The following POU6F2 variants were observed in gnomAD, a reference collection of about 807,000 sequenced individuals.
The protein encoded by POU6F2 is POU class 6 homeobox 2.
Under a neutral mutation model 71.3 loss-of-function variants are expected in POU6F2, and 31 were observed. The ratio of observed to expected loss-of-function variants is 0.43; its 90% CI spans 0.33 to 0.59. The LOEUF is 0.59. POU6F2 is among the 20% of genes least tolerant of loss of function. POU6F2 has a pLI of 0.04. For synonymous variants in POU6F2, 347 were observed against 355.7 expected (o/e 0.98, Z 0.27); for missense variants, 783 against 856.8 (o/e 0.91, Z 1.07).
intron 2 of POU6F2, among the ~76,000 whole-genome samples, chr7:39,097,158 T>G (rs1018083741): frequency 6.6e-6 from 1 of 152,152 alleles, no homozygotes; most frequent in Non-Finnish European, 1.5e-5. Flanking sequence ...ATATATGCCC[T>G]TTTCCAGAGA....
At position 39,153,050 on chromosome 7, in the gene POU6F2, A is replaced by G. The variant is rs796815628; in HGVS notation, c.278-51185A>G. The stretch of plus-strand genomic sequence containing the variant: ...AAGTGAGGTCTCTTGGGAAAGAAAT[A>G]AGCACTGGCTTTTGGCAGGTTTATC... On this transcript the variant is annotated intron_variant, in intron 2 of 9. Transcript: ENST00000518318. 5.9e-5 allele frequency among the ~76,000 whole-genome samples: 9 copies of G among 152,304 alleles called. 1 individual carries two copies. Among genetic ancestry groups the G allele is most frequent in the African/African-American group, 1.9e-4 (8 of 41,554 alleles).
intron 4 of POU6F2, among the ~76,000 whole-genome samples, chr7:39,265,099 A>C (rs1246670637): frequency 1.3e-5 from 2 of 152,206 alleles, no homozygotes; most frequent in Admixed American, 1.3e-4. Context: ...TACCTCAGGC[A>C]GTTCTCACTT....
intron 4 of POU6F2, among the ~76,000 whole-genome samples, chr7:39,239,384 A>ACGT (rs1783668672): frequency 6.6e-6 from 1 of 152,150 alleles, no homozygotes; most frequent in Non-Finnish European, 1.5e-5. Context: ...TAGCAGCACG[A>ACGT]CTGACCTTAA....
At chr7:39,238,857 A>G (rs1794724556) in intron 4 of POU6F2, among the ~76,000 whole-genome samples, 1 of 152,330 alleles carries the variant, frequency 6.6e-6, no homozygotes, top group Middle Eastern at 3.4e-3. Flanking sequence ...GAGTACAGTA[A>G]TAAAAAGAAT....
chr7:39,331,829 G>A (rs912396228), intron 4 of POU6F2, among the ~76,000 whole-genome samples: 1 of 152,098 alleles, frequency 6.6e-6, no homozygotes, highest in Non-Finnish European at 1.5e-5. Flanking sequence ...GTTTTGAAAG[G>A]CATTTCCCTG....
At chr7:39,204,017 C>T (rs531945456) in intron 2 of POU6F2, among the ~76,000 whole-genome samples, 4 of 152,298 alleles carry the variant, frequency 2.6e-5, no homozygotes, top group African/African-American at 9.6e-5. Context: ...TCTATGCAAA[C>T]TGACTGTGCT....
chr7:39,186,619 T>C (rs2128742527), intron 2 of POU6F2, among the ~76,000 whole-genome samples: 1 of 152,328 alleles, frequency 6.6e-6, no homozygotes, highest in Middle Eastern at 3.4e-3. Context: ...GAAAATGATA[T>C]CTTCCGCACC....
intron 6 of POU6F2, among the ~76,000 whole-genome samples, chr7:39,423,448 A>C (rs976436333): frequency 6.6e-6 from 1 of 152,188 alleles, no homozygotes; most frequent in African/African-American, 2.4e-5. Context: ...TGCCAGGCAC[A>C]CAGGAGGCCC....
chr7:39,318,349 T>C (rs1385342053), intron 4 of POU6F2, among the ~76,000 whole-genome samples: 1 of 152,148 alleles, frequency 6.6e-6, no homozygotes, highest in Non-Finnish European at 1.5e-5. Flanking sequence ...AAAATCTGCA[T>C]AGGTGGGGCC....
Position 39,356,486 on chromosome 7 carries a change from C to A in POU6F2, c.972+16471C>A, listed in dbSNP as rs73386423. ...TCGTATATTGGGCACTTAGCATTTG[C>A]TCTTTAAGTCTTTTTCTTTTATTTT... On this transcript the variant is annotated intron_variant, in intron 5 of 9. Transcript: ENST00000518318. Among the ~76,000 whole-genome samples the A allele has an allele frequency of 9.7e-3, 1,480 of 152,294 alleles. 17 individuals are homozygous for A. Among genetic ancestry groups the A allele is most frequent in the African/African-American group, 0.032 (1,335 of 41,548 alleles).
At chr7:39,354,650 A>G (rs2115684464) in intron 5 of POU6F2, among the ~76,000 whole-genome samples, 1 of 152,276 alleles carries the variant, frequency 6.6e-6, no homozygotes, top group African/African-American at 2.4e-5. Context: ...CTTGAATCTC[A>G]CTGTAGTTAA....
At chr7:39,239,048 C>T (rs1794728205) in intron 4 of POU6F2, among the ~76,000 whole-genome samples, 1 of 152,086 alleles carries the variant, frequency 6.6e-6, no homozygotes, top group South Asian at 2.1e-4. Context: ...CATTACTTAG[C>T]ACAAGATGGT....
intron 6 of POU6F2, among the ~76,000 whole-genome samples, chr7:39,418,976 T>TATATATGC (rs1491224906): frequency 1.4e-5 from 2 of 140,234 alleles, no homozygotes; most frequent in Non-Finnish European, 3.0e-5. Flanking sequence ...TGTATATATG[T>TATATATGC]ATATATATGT....
intron 4 of POU6F2, among the ~76,000 whole-genome samples, chr7:39,261,178 A>G (rs1428731441): frequency 1.3e-5 from 2 of 152,038 alleles, no homozygotes; most frequent in Admixed American, 1.3e-4. Context: ...TTCTGTGACC[A>G]CTAATTCCAC....
chr7:39,094,076 A>G (rs1478500361), intron 2 of POU6F2, among the ~76,000 whole-genome samples: 1 of 152,142 alleles, frequency 6.6e-6, no homozygotes, highest in African/African-American at 2.4e-5. Flanking sequence ...GTTCCCTGAT[A>G]AATTTATCAA....
chr7:39,231,033 A>G (rs1794564808), intron 4 of POU6F2, among the ~76,000 whole-genome samples: 1 of 152,162 alleles, frequency 6.6e-6, no homozygotes, highest in Non-Finnish European at 1.5e-5. Flanking sequence ...TAGAGGGTAG[A>G]GACCAGTGAT....
At chr7:39,189,003 A>G (rs1793602519) in intron 2 of POU6F2, among the ~76,000 whole-genome samples, 1 of 152,242 alleles carries the variant, frequency 6.6e-6, no homozygotes, top group South Asian at 2.1e-4. Context: ...AGCATTATCC[A>G]TACCTCCCAC....
intron 4 of POU6F2, among the ~76,000 whole-genome samples, chr7:39,318,569 G>A (rs1349824580): frequency 6.6e-6 from 1 of 152,202 alleles, no homozygotes; most frequent in Non-Finnish European, 1.5e-5. Context: ...AGAAAATACA[G>A]TGCATTTAAC....
intron 4 of POU6F2, among the ~76,000 whole-genome samples, chr7:39,258,025 C>G (rs1461566004): frequency 1.3e-5 from 2 of 152,126 alleles, no homozygotes; most frequent in Admixed American, 6.5e-5. Context: ...CACTGTTTCC[C>G]CCCATTTCCT....
Sources: allele counts gnomAD v4.1 joint callset (sites outside exome capture counted in the v4.1 genomes callset), GRCh38; gene constraint gnomAD v4.1.1; transcripts MANE v1.5; gene names NCBI Gene and HGNC (gene_info 2026-07-23, HGNC 2026-07-21).